Variants in BIN3 observed in about 807,000 individuals in gnomAD.
The protein encoded by BIN3 is bridging integrator 3.
A neutral mutation model predicts 38.2 loss-of-function variants in BIN3; 41 were observed. The observed-to-expected ratio is 1.07, with a 90% CI of 0.84 to 1.39. The LOEUF (loss-of-function observed/expected upper bound fraction) is 1.39, where lower values mean the gene tolerates loss of function less well. Ranked by LOEUF, BIN3 falls within the 40% of genes most tolerant of loss-of-function variation. The pLI is 0.00. For missense variants in BIN3, 361 were observed against 324.3 expected, an observed-to-expected ratio of 1.11 and a Z score of -0.87; for synonymous variants, 145 against 122.6, an observed-to-expected ratio of 1.18 and a Z score of -1.21.
chr8:22,648,950 T>TAA (rs1802799584), intron 1 of BIN3, among the ~76,000 whole-genome samples: 2 of 149,530 alleles, frequency 1.3e-5, no homozygotes, highest in South Asian at 4.3e-4. Flanking sequence ...TAAGTGTGTG[T>TAA]GTGTATTTCC....
chr8:22,632,323 A>G (rs1244952457), intron 4 of BIN3, among the ~76,000 whole-genome samples: 1 of 152,210 alleles, frequency 6.6e-6, no homozygotes, highest in Non-Finnish European at 1.5e-5. Context: ...TTCACCAGTC[A>G]GCAAAGCAGC....
chr8:22,627,815 G>A (rs1318751765), intron 6 of BIN3, among the ~76,000 whole-genome samples: 1 of 152,240 alleles, frequency 6.6e-6, no homozygotes, highest in Admixed American at 6.5e-5. Context: ...CACCGAGCAT[G>A]CCCCGCTCCA....
chr8:22,651,786 T>C (rs139621315), intron 1 of BIN3, among the ~76,000 whole-genome samples: 1 of 152,298 alleles, frequency 6.6e-6, no homozygotes, highest in African/African-American at 2.4e-5. Context: ...TGTGGGTCTA[T>C]TTTCATCCAC....
intron 3 of BIN3, 141 bp from the exon 4 acceptor site, chr8:22,636,727 C>T (rs1207920067): frequency 9.7e-7 from 1 of 1,030,098 alleles, no homozygotes; most frequent in Non-Finnish European, 1.5e-6. Context: ...TGAAGTGCCA[C>T]TACACCCAAA....
At chr8:22,630,147 G>T in intron 5 of BIN3, 143 bp from the exon 6 acceptor site, 2 of 1,037,420 alleles carry the variant, frequency 1.9e-6, no homozygotes, top group South Asian at 1.4e-5. Flanking sequence ...TTTGCTCAGG[G>T]TGGAGGCCGG....
intron 1 of BIN3, among the ~76,000 whole-genome samples, chr8:22,653,426 A>C (rs1255456064): frequency 6.6e-6 from 1 of 152,186 alleles, no homozygotes; most frequent in Non-Finnish European, 1.5e-5. Flanking sequence ...TCACCTTATC[A>C]TTTTTGTGTT....
rs141731453 is a variant in BIN3 at position 22,647,348 on chromosome 8, T to C, written c.9-2545A>G. Reference sequence around the variant, plus strand: ...GTATTTTTAGAACTGTAAGTTACCATAGAAATTTTTTCCCCAGTTCAACCC... The same window carrying C: ...GTATTTTTAGAACTGTAAGTTACCACAGAAATTTTTTCCCCAGTTCAACCC... On this transcript the variant is annotated intron_variant, in intron 1 of 8. Transcript: ENST00000276416. 1.5e-4 allele frequency among the ~76,000 whole-genome samples: 23 copies of C among 152,282 alleles called. No homozygotes were observed. The East Asian group carries it at 1.9e-3, about 13-fold the overall frequency.
At chr8:22,651,176 CTTT>C (rs1010425928) in intron 1 of BIN3, among the ~76,000 whole-genome samples, 2 of 151,708 alleles carry the variant, frequency 1.3e-5, no homozygotes, top group South Asian at 4.2e-4. Flanking sequence ...AACATGCATA[CTTT>C]TTTTTTAACT....
At chr8:22,653,682 G>A (rs1190093359) in intron 1 of BIN3, among the ~76,000 whole-genome samples, 1 of 152,210 alleles carries the variant, frequency 6.6e-6, no homozygotes, top group Admixed American at 6.5e-5. Flanking sequence ...GTATGAAGAA[G>A]TAAAAGCAGG....
At chr8:22,662,030 A>C (rs1803252211) in intron 1 of BIN3, among the ~76,000 whole-genome samples, 1 of 152,144 alleles carries the variant, frequency 6.6e-6, no homozygotes, top group Non-Finnish European at 1.5e-5. Flanking sequence ...CCTGACCTCA[A>C]CTGATCTGCC....
chr8:22,649,582 C>T (rs1321920103), intron 1 of BIN3, among the ~76,000 whole-genome samples: 1 of 151,940 alleles, frequency 6.6e-6, no homozygotes, highest in Non-Finnish European at 1.5e-5. Flanking sequence ...TTTAAATTTA[C>T]AGTAAGAAAA....
intron 1 of BIN3, among the ~76,000 whole-genome samples, chr8:22,648,143 A>AAG (rs1223343083): frequency 6.6e-6 from 1 of 151,718 alleles, no homozygotes; most frequent in Non-Finnish European, 1.5e-5. Context: ...TCTCAAAAAA[A>AAG]AAAAAAAAAA....
chr8:22,645,319 AC>A (rs1163061121), intron 1 of BIN3, among the ~76,000 whole-genome samples: 6 of 152,122 alleles, frequency 3.9e-5, no homozygotes, highest in Admixed American at 2.6e-4. Flanking sequence ...ACACAAAAAA[AC>A]AACCACCAAA....
Position 22,621,502 on chromosome 8 carries a change from G to A in BIN3, c.682C>T (p.His228Tyr), listed in dbSNP as rs1801815304. ...DLSHQLDQPG[H>Y]SDEQRERENE... ...TCCCGCTCCCGCTGCTCATCGGAGTGGCCTGGCTGGTCAAGCTGATGGGAC... is the reference window on the plus strand; with the variant it reads ...TCCCGCTCCCGCTGCTCATCGGAGTAGCCTGGCTGGTCAAGCTGATGGGAC... The change falls in exon 9 of 9, where the codon CAC becomes TAC. Residue 228 changes from histidine (H) to tyrosine (Y), a missense_variant. By Grantham distance (83) the His-to-Tyr change is moderately conservative. Coordinates refer to ENST00000276416, the MANE Select transcript of BIN3 (RefSeq NM_018688.6). 6.2e-7 allele frequency: 1 copy of A among 1,613,958 alleles called. No homozygotes were observed. Among genetic ancestry groups the A allele is most frequent in the South Asian group, 1.1e-5 (1 of 91,092 alleles).
chr8:22,642,698 G>C (rs1982708), intron 2 of BIN3, among the ~76,000 whole-genome samples: 149,726 of 152,334 alleles, frequency 0.98, 73,581 homozygotes, highest in East Asian at 1. Context: ...TCATCATCCT[G>C]ATTTTATAAA....
chr8:22,659,767 C>T (rs1373176045), intron 1 of BIN3, among the ~76,000 whole-genome samples: 3 of 152,128 alleles, frequency 2.0e-5, no homozygotes, highest in Non-Finnish European at 4.4e-5. Flanking sequence ...CCTGTGTCTC[C>T]GTCTCTTTAT....
chr8:22,666,609 A>C (rs1450544801), intron 1 of BIN3, among the ~76,000 whole-genome samples: 1 of 152,184 alleles, frequency 6.6e-6, no homozygotes, highest in Admixed American at 6.5e-5. Flanking sequence ...GGTACCCACT[A>C]AACAAACAGG....
intron 6 of BIN3, among the ~76,000 whole-genome samples, chr8:22,628,634 C>T (rs754932761): frequency 2.0e-5 from 3 of 152,202 alleles, no homozygotes; most frequent in Admixed American, 1.3e-4. Context: ...ATTTCAAGGG[C>T]GCCTTGCTGA....
chr8:22,657,034 C>G (rs141362104), intron 1 of BIN3, among the ~76,000 whole-genome samples: 8 of 152,348 alleles, frequency 5.3e-5, no homozygotes, highest in Non-Finnish European at 1.0e-4. Context: ...CTATTTTCAA[C>G]TTTTCACTGA....
Sources: allele counts gnomAD v4.1 joint callset (sites outside exome capture counted in the v4.1 genomes callset), GRCh38; gene constraint gnomAD v4.1.1; transcripts MANE v1.5; gene names NCBI Gene and HGNC (gene_info 2026-07-23, HGNC 2026-07-21).